Variants in WDSUB1 observed in about 807,000 individuals in gnomAD.
WDSUB1 encodes WD repeat, SAM and U-box domain-containing protein 1.
Under a neutral mutation model 53.9 loss-of-function variants are expected in WDSUB1, and 49 were observed. The ratio of observed to expected loss-of-function variants is 0.91; its 90% CI spans 0.72 to 1.15. The LOEUF (loss-of-function observed/expected upper bound fraction) is 1.15. Ranked by LOEUF, WDSUB1 falls within the 50% of genes most tolerant of loss-of-function variation. The pLI is 0.00. For synonymous variants in WDSUB1, 194 were observed against 200.6 expected (o/e 0.97, Z 0.28); for missense variants, 514 against 562.0 (o/e 0.91, Z 0.86).
chr2:159,247,904 TATATAA>T lies in WDSUB1; in HGVS notation c.1273+462_1273+467del, dbSNP rs1392654940. On this transcript the variant is annotated intron_variant, in intron 10 of 10. Transcript: ENST00000359774. The stretch of plus-strand genomic sequence containing the variant: ...TTAAATAAATATATATATATATATA[TATATAA>T]ATATATATATATATATAAATATATA... Among the ~76,000 whole-genome samples, 45 of 37,866 alleles carry T rather than the reference TATATAA, an allele frequency of 1.2e-3. 1 individual carries two copies. The highest frequency in any genetic ancestry group is 6.3e-3 in the South Asian group (8 of 1,278). 24.8% of individuals were successfully genotyped at this position (37,866 alleles called of 152,430 possible).
rs1559531686 is a variant in WDSUB1 at position 159,247,891 on chromosome 2, AT to A, written c.1273+480del. On this transcript the variant is annotated intron_variant, in intron 10 of 10. Coordinates refer to ENST00000359774, the MANE Select transcript of WDSUB1 (RefSeq NM_001128212.3). Reference sequence around the variant, plus strand: ...CTGTAGGCCAAAATTAAATAAATATATATATATATATATATATAAATATATA... The same window carrying A: ...CTGTAGGCCAAAATTAAATAAATATAATATATATATATATATAAATATATA... Among the ~76,000 whole-genome samples, 82 of 21,832 alleles carry A rather than the reference AT, an allele frequency of 3.8e-3. 5 individuals carry two copies. In the South Asian group the frequency reaches 0.1, roughly 27 times the overall value. The allele number at this position is 21,832 out of a possible 152,430, so 14.3% of individuals were successfully genotyped here. A position where few individuals can be genotyped will look rare whatever the true frequency, so the allele number is the denominator to read the frequency against.
At chr2:159,238,446 T>C (rs1490739212) in intron 10 of WDSUB1, among the ~76,000 whole-genome samples, 1 of 152,212 alleles carries the variant, frequency 6.6e-6, no homozygotes, top group African/African-American at 2.4e-5. Context: ...CGCTGCGCTC[T>C]GCAGGTTTCC....
At chr2:159,261,850 A>G (rs1424193275) in intron 5 of WDSUB1, among the ~76,000 whole-genome samples, 1 of 13,488 alleles carries the variant, frequency 7.4e-5, no homozygotes, top group African/African-American at 4.0e-4. Context: ...TGAAACTCAT[A>G]TATATATATA....
At chr2:159,248,284 C>T (rs2060865352) in intron 10 of WDSUB1, 88 bp downstream of exon 10, 1 of 1,494,146 alleles carries the variant, frequency 6.7e-7, no homozygotes, top group Non-Finnish European at 9.0e-7. Flanking sequence ...AAATTCTTCA[C>T]ATTTAAGCAA....
chr2:159,239,987 G>A (rs1435571723), intron 10 of WDSUB1, among the ~76,000 whole-genome samples: 1 of 152,122 alleles, frequency 6.6e-6, no homozygotes, highest in Non-Finnish European at 1.5e-5. Context: ...ACCATAAAAT[G>A]CACCCATTTG....
chr2:159,250,270 T>C (rs1003586857), intron 9 of WDSUB1, among the ~76,000 whole-genome samples: 3 of 152,174 alleles, frequency 2.0e-5, no homozygotes, highest in Admixed American at 6.5e-5. Context: ...TCTGACTTCC[T>C]TCCAATGGGA....
chr2:159,245,393 C>G (rs2060770972), intron 10 of WDSUB1, among the ~76,000 whole-genome samples: 1 of 151,976 alleles, frequency 6.6e-6, no homozygotes, highest in African/African-American at 2.4e-5. Context: ...ATTAGCCAGG[C>G]ATGGTGTTAC....
chr2:159,269,838 A>G (rs970423659), intron 5 of WDSUB1, among the ~76,000 whole-genome samples: 77 of 152,340 alleles, frequency 5.1e-4, no homozygotes, highest in African/African-American at 1.9e-3. Context: ...AAAAATAACA[A>G]CAAAACTCTT....
Position 159,259,832 on chromosome 2 carries a change from T to G in WDSUB1, c.782A>C (p.Lys261Thr). ...GQMLVSGSVDKSVIVYDTNTE... is the reference protein window; with the variant it reads ...GQMLVSGSVDTSVIVYDTNTE... ...TACAGTATCATATACTATGACAGAC[T>G]TATCCACTGACCTTAAAAGAAAATA... Residue 261 changes from lysine (K) to threonine (T), a missense_variant, in exon 6 of 11, where the codon AAG (lysine) becomes ACG (threonine). Coordinates refer to ENST00000359774, the MANE Select transcript of WDSUB1 (RefSeq NM_001128212.3). 1 of 1,528,204 alleles carries G rather than the reference T, an allele frequency of 6.5e-7. No individual in the cohort carries two copies. Among genetic ancestry groups the G allele is most frequent in the Non-Finnish European group, 8.9e-7 (1 of 1,122,114 alleles). 94.7% of individuals were successfully genotyped at this position (1,528,204 alleles called of 1,614,324 possible). A position where few individuals can be genotyped will look rare whatever the true frequency, so the allele number is the denominator to read the frequency against.
At position 159,236,051 on chromosome 2, in the gene WDSUB1, C is replaced by G; in HGVS notation, c.1413G>C (p.Leu471=). Residue 471 remains leucine (L), a synonymous_variant, in exon 11 of 11, where the codon CTG becomes CTC. Transcript: ENST00000359774. ...AACAATTTTACTTTTGGTGTGTCTC[C>G]AGCCATCTATTGATGGCCATTTTCA... ...RTLKMAINRW[L]ETHQK The G allele has an allele frequency of 6.2e-7, 1 of 1,605,208 alleles. No homozygotes were observed. The highest frequency in any genetic ancestry group is 8.5e-7 in the Non-Finnish European group (1 of 1,177,646).
At chr2:159,268,770 G>C (rs749570577) in intron 5 of WDSUB1, among the ~76,000 whole-genome samples, 54 of 152,082 alleles carry the variant, frequency 3.6e-4, no homozygotes, top group Admixed American at 1.1e-3. Flanking sequence ...TTGCCTAACA[G>C]AATAAAGCTT....
intron 5 of WDSUB1, among the ~76,000 whole-genome samples, chr2:159,268,694 T>C (rs17494490): frequency 0.25 from 38,700 of 152,024 alleles, 6,565 homozygotes; most frequent in Non-Finnish European, 0.39. Flanking sequence ...AAGGAGAAAA[T>C]ATACAAAAGT....
chr2:159,277,854 G>C (rs1412574003), intron 3 of WDSUB1, among the ~76,000 whole-genome samples: 19 of 151,968 alleles, frequency 1.3e-4, no homozygotes, highest in Admixed American at 1.2e-3. Flanking sequence ...AACACTAAAG[G>C]AACTAAAGAA....
chr2:159,250,088 CAAAAA>C (rs374038625), intron 9 of WDSUB1, among the ~76,000 whole-genome samples: 3 of 83,526 alleles, frequency 3.6e-5, no homozygotes, highest in Admixed American at 1.6e-4. Flanking sequence ...GACTCTGCCT[CAAAAA>C]AAAAAAAAAA....
At chr2:159,285,430 G>A (rs1432504380) in intron 1 of WDSUB1, among the ~76,000 whole-genome samples, 1 of 152,150 alleles carries the variant, frequency 6.6e-6, no homozygotes, top group African/African-American at 2.4e-5. Flanking sequence ...AAAAGTCTGG[G>A]CGCGATGGTG....
At chr2:159,252,560 T>C (rs2060973492) in intron 9 of WDSUB1, among the ~76,000 whole-genome samples, 1 of 152,294 alleles carries the variant, frequency 6.6e-6, no homozygotes, top group East Asian at 1.9e-4. Flanking sequence ...GGGAGGGTTA[T>C]GCCCTTTCAA....
chr2:159,255,881 T>TTCC (rs2061051489), intron 9 of WDSUB1, among the ~76,000 whole-genome samples: 1 of 152,154 alleles, frequency 6.6e-6, no homozygotes, highest in Non-Finnish European at 1.5e-5. Flanking sequence ...CCAGAATACA[T>TTCC]AAACAACTCT....
intron 1 of WDSUB1, chr2:159,286,268 G>C (rs532386453): frequency 6.5e-6 from 1 of 153,224 alleles, no homozygotes; most frequent in Non-Finnish European, 1.5e-5. Flanking sequence ...ATGCACGAAA[G>C]ACCAGGAATG....
intron 10 of WDSUB1, among the ~76,000 whole-genome samples, chr2:159,245,949 G>A (rs2060785045): frequency 1.3e-5 from 2 of 152,062 alleles, no homozygotes; most frequent in African/African-American, 4.8e-5. Flanking sequence ...ACAAGACCAA[G>A]AGAAACTATG....
Sources: allele counts gnomAD v4.1 joint callset (sites outside exome capture counted in the v4.1 genomes callset), GRCh38; gene constraint gnomAD v4.1.1; transcripts MANE v1.5; gene names NCBI Gene and HGNC (gene_info 2026-07-23, HGNC 2026-07-21).